Variants in YES1 observed in about 807,000 individuals in gnomAD.
The protein encoded by YES1 is YES proto-oncogene 1, Src family tyrosine kinase, also known as tyrosine-protein kinase Yes.
A neutral mutation model predicts 70.4 loss-of-function variants in YES1; 39 were observed. That is an observed-to-expected ratio of 0.55 (90% CI 0.43 to 0.72). The LOEUF (loss-of-function observed/expected upper bound fraction) is 0.72, where lower values mean the gene tolerates loss of function less well. Ranked by LOEUF, YES1 falls within the 30% of genes least tolerant of loss-of-function variation. YES1 has a pLI of 0.00. For synonymous variants in YES1, 198 were observed against 218.6 expected (o/e 0.91, Z 0.83); for missense variants, 495 against 644.8 (o/e 0.77, Z 2.52).
intron 1 of YES1, among the ~76,000 whole-genome samples, chr18:763,592 A>G (rs532428797): frequency 6.6e-6 from 1 of 151,086 alleles, no homozygotes; most frequent in African/African-American, 2.4e-5. Flanking sequence ...AGTTCTAGCT[A>G]CTTGGGAGGT....
intron 3 of YES1, among the ~76,000 whole-genome samples, chr18:748,880 G>C (rs1177999777): frequency 6.6e-6 from 1 of 152,126 alleles, no homozygotes; most frequent in East Asian, 1.9e-4. Context: ...GAATTTCTGG[G>C]CCAGGCGTAG....
intron 1 of YES1, among the ~76,000 whole-genome samples, chr18:773,419 A>T (rs1905239319): frequency 6.6e-6 from 1 of 152,180 alleles, no homozygotes. Flanking sequence ...GAGAAGTAAA[A>T]CAGCCCCTTT....
intron 11 of YES1, among the ~76,000 whole-genome samples, chr18:726,496 G>A (rs576524307): frequency 6.6e-6 from 1 of 151,290 alleles, no homozygotes; most frequent in East Asian, 2.0e-4. Context: ...ATTATTTGAT[G>A]CCAGCTGGGC....
intron 1 of YES1, among the ~76,000 whole-genome samples, chr18:785,430 A>G (rs1940628): frequency 0.38 from 58,387 of 151,970 alleles, 12,736 homozygotes; most frequent in African/African-American, 0.59. Context: ...GGAGAAAGAG[A>G]AACAAGTAAA....
At chr18:741,268 A>C (rs2080214488) in intron 8 of YES1, among the ~76,000 whole-genome samples, 1 of 146,652 alleles carries the variant, frequency 6.8e-6, no homozygotes, top group Admixed American at 6.9e-5. Flanking sequence ...TTTTTGAGAC[A>C]GTCTCATTTT....
chr18:762,749 A>G (rs1043585211), intron 1 of YES1, among the ~76,000 whole-genome samples: 11 of 152,224 alleles, frequency 7.2e-5, no homozygotes, highest in Admixed American at 5.9e-4. Flanking sequence ...GTACCTCAAA[A>G]GCTATCAAAA....
intron 1 of YES1, among the ~76,000 whole-genome samples, chr18:800,742 T>G (rs1041558277): frequency 2.0e-5 from 3 of 152,224 alleles, no homozygotes; most frequent in Non-Finnish European, 2.9e-5. Context: ...TCCAGTGATG[T>G]TCATATAACA....
intron 1 of YES1, among the ~76,000 whole-genome samples, chr18:760,711 TA>T (rs1904547520): frequency 6.6e-6 from 1 of 152,276 alleles, no homozygotes; most frequent in Non-Finnish European, 1.5e-5. Flanking sequence ...CAGTTGCTTC[TA>T]AAAGTATTAG....
At chr18:773,838 CTT>C (rs34302612) in intron 1 of YES1, among the ~76,000 whole-genome samples, 1 of 148,232 alleles carries the variant, frequency 6.7e-6, no homozygotes, top group South Asian at 2.1e-4. Flanking sequence ...ACACTTTTCC[CTT>C]TTTTTTTTTG....
intron 2 of YES1, among the ~76,000 whole-genome samples, chr18:754,848 T>C (rs917148700): frequency 1.3e-5 from 2 of 152,226 alleles, no homozygotes; most frequent in African/African-American, 4.8e-5. Flanking sequence ...CCATCCTGTT[T>C]AGCTGTTTAT....
chr18:787,714 A>G (rs920060884), intron 1 of YES1, among the ~76,000 whole-genome samples: 4 of 152,128 alleles, frequency 2.6e-5, no homozygotes, highest in African/African-American at 9.7e-5. Flanking sequence ...TGTCTCAAAA[A>G]AAAAAAAATA....
Position 757,513 on chromosome 18 carries a change from AAAAAAG to A in YES1, c.-8-684_-8-679del, listed in dbSNP as rs1214062384. On this transcript the variant is annotated intron_variant, in intron 1 of 11. Coordinates refer to ENST00000314574, the MANE Select transcript of YES1 (RefSeq NM_005433.4). ...GCGAGACTCCGTCTCAAAAAAAAAA[AAAAAAG>A]AAAGAAAAAGTATCTGGGGGGCCAG... 9.5e-5 allele frequency among the ~76,000 whole-genome samples: 14 copies of A among 147,746 alleles called. 1 individual carries two copies. The South Asian group carries it at 1.1e-3, about 11-fold the overall frequency.
chr18:729,303 T>C (rs1229620808), intron 11 of YES1, among the ~76,000 whole-genome samples: 1 of 151,982 alleles, frequency 6.6e-6, no homozygotes, highest in East Asian at 1.9e-4. Flanking sequence ...TAATCTCAGC[T>C]ACTTGGGAGG....
At chr18:787,275 T>C (rs1474745216) in intron 1 of YES1, among the ~76,000 whole-genome samples, 1 of 151,346 alleles carries the variant, frequency 6.6e-6, no homozygotes, top group Non-Finnish European at 1.5e-5. Context: ...AATTTTTGTA[T>C]TTTTAGTAGA....
chr18:775,745 C>T (rs1905347576), intron 1 of YES1, among the ~76,000 whole-genome samples: 2 of 151,808 alleles, frequency 1.3e-5, no homozygotes, highest in African/African-American at 2.4e-5. Context: ...TACAGTGAGC[C>T]GTGATTGTGC....
At chr18:791,497 C>A (rs1906248310) in intron 1 of YES1, among the ~76,000 whole-genome samples, 1 of 152,128 alleles carries the variant, frequency 6.6e-6, no homozygotes, top group Non-Finnish European at 1.5e-5. Flanking sequence ...CTAAGGCACA[C>A]AGAATAGGTA....
At chr18:733,012 T>C (rs758465731) in intron 10 of YES1, 47 bp from the exon 11 acceptor site, 9 of 1,600,398 alleles carry the variant, frequency 5.6e-6, no homozygotes, top group South Asian at 1.1e-5. Context: ...TAAAAATCTA[T>C]TTGTGTAAAC....
intron 1 of YES1, among the ~76,000 whole-genome samples, chr18:803,415 A>G (rs1275721296): frequency 6.6e-6 from 1 of 152,216 alleles, no homozygotes; most frequent in Non-Finnish European, 1.5e-5. Flanking sequence ...GGGAAATAAA[A>G]AAAGCACAGA....
chr18:801,515 T>C (rs567746765), intron 1 of YES1, among the ~76,000 whole-genome samples: 5 of 152,314 alleles, frequency 3.3e-5, no homozygotes, highest in African/African-American at 9.6e-5. Context: ...GCTATCTTTC[T>C]GCAACACGTC....
Sources: gnomAD v4.1 joint callset for allele counts (sites outside exome capture counted in the v4.1 genomes callset) on GRCh38, gnomAD v4.1.1 for gene constraint, MANE v1.5 for transcripts, NCBI Gene and HGNC (gene_info 2026-07-23, HGNC 2026-07-21) for gene names.